ANK2: variants seen among roughly 807,000 people sequenced by gnomAD.
ANK2 encodes the protein ankyrin 2.
A neutral mutation model predicts 360.5 loss-of-function variants in ANK2; 83 were observed. The observed-to-expected ratio is 0.23, with a 90% CI of 0.19 to 0.28. ANK2 has a LOEUF of 0.28. ANK2 is among the 10% of genes least tolerant of loss of function. ANK2 has a pLI of 1.00. For missense variants in ANK2, 4,201 were observed against 4,795.7 expected (o/e 0.88, Z 3.66); for synonymous variants, 1,740 against 1,759.5 (o/e 0.99, Z 0.28).
intron 2 of ANK2, among the ~76,000 whole-genome samples, chr4:112,993,469 A>ATT (rs113947781): frequency 1.3e-5 from 2 of 148,270 alleles, no homozygotes; most frequent in African/African-American, 2.5e-5. Flanking sequence ...TGCCTGGCTA[A>ATT]TTTTTTTTTT....
intron 1 of ANK2, among the ~76,000 whole-genome samples, chr4:113,080,135 G>A (rs1226279008): frequency 6.6e-6 from 1 of 152,154 alleles, no homozygotes; most frequent in Non-Finnish European, 1.5e-5. Context: ...CTGACCTAAT[G>A]TGTTCCGCCT....
chr4:113,339,366 C>G, intron 32 of ANK2, 44 bp downstream of exon 32: 2 of 1,528,286 alleles, frequency 1.3e-6, no homozygotes, highest in Non-Finnish European at 1.8e-6. Context: ...ATATGTTACC[C>G]TCCAAAAAAA....
intron 1 of ANK2, among the ~76,000 whole-genome samples, chr4:113,126,016 A>G (rs891172526): frequency 6.6e-6 from 1 of 152,180 alleles, no homozygotes; most frequent in Non-Finnish European, 1.5e-5. Flanking sequence ...ATACAAAATG[A>G]AGTAATCATA....
Position 113,381,631 on chromosome 4 carries a change from G to A in ANK2, c.*160G>A, listed in dbSNP as rs1407366654. On this transcript the variant is annotated 3_prime_UTR_variant, in exon 46 of 46. Transcript: ENST00000357077. ...TCTGCAAGGAGGACTTGAAGCAAGA[G>A]GCCAAGTGAGGGGCTGCCCAGTTCT... 6.4e-7 allele frequency: 1 copy of A among 1,551,194 alleles called. No individual in the cohort carries two copies. The highest frequency in any genetic ancestry group is 1.4e-5 in the African/African-American group (1 of 73,244).
intron 1 of ANK2, among the ~76,000 whole-genome samples, chr4:113,156,142 A>G (rs79087627): frequency 0.011 from 1,716 of 152,322 alleles, 26 homozygotes; most frequent in African/African-American, 0.037. Context: ...GCTTAAAATA[A>G]TGAATATTAA....
At chr4:112,784,639 G>A in the ANK2 span, among the ~76,000 whole-genome samples, 1 of 151,978 alleles carries the variant, frequency 6.6e-6, no homozygotes. Flanking sequence ...CACCCCGTCC[G>A]GCCCGGGCTG....
chr4:113,301,650 C>T (rs2075081059), intron 22 of ANK2, among the ~76,000 whole-genome samples: 1 of 152,098 alleles, frequency 6.6e-6, no homozygotes, highest in Admixed American at 6.6e-5. Context: ...CCTTCCTTCT[C>T]CAACACCTGG....
At chr4:113,246,020 T>A (rs1369368581) in intron 9 of ANK2, among the ~76,000 whole-genome samples, 1 of 152,184 alleles carries the variant, frequency 6.6e-6, no homozygotes, top group African/African-American at 2.4e-5. Flanking sequence ...GGTCTCAAAC[T>A]CCTGACCTCA....
the ANK2 span, among the ~76,000 whole-genome samples, chr4:112,721,466 C>CAGG: frequency 6.8e-6 from 1 of 147,792 alleles, no homozygotes; most frequent in African/African-American, 2.5e-5. Flanking sequence ...CGTTTGAACC[C>CAGG]AGGAGGTGGA....
At chr4:113,161,224 C>G (rs1165959561) in intron 1 of ANK2, among the ~76,000 whole-genome samples, 1 of 152,334 alleles carries the variant, frequency 6.6e-6, no homozygotes, top group East Asian at 1.9e-4. Flanking sequence ...GTTTTGAAAG[C>G]TGCCTCAGAA....
chr4:112,729,390 G>A, the ANK2 span, among the ~76,000 whole-genome samples: 3 of 152,116 alleles, frequency 2.0e-5, no homozygotes, highest in Non-Finnish European at 2.9e-5. Flanking sequence ...GCATGCCTAT[G>A]TTCATTGCAG....
chr4:112,991,006 C>T (rs755519170), intron 2 of ANK2, among the ~76,000 whole-genome samples: 7 of 152,178 alleles, frequency 4.6e-5, no homozygotes, highest in Admixed American at 3.9e-4. Flanking sequence ...AATCCCAGCA[C>T]TTTGGGAGGC....
intron 1 of ANK2, among the ~76,000 whole-genome samples, chr4:112,866,962 C>T (rs1403158416): frequency 6.6e-6 from 1 of 152,068 alleles, no homozygotes; most frequent in Admixed American, 6.5e-5. Flanking sequence ...ATTTACTTTT[C>T]ATGTAATCAA....
intron 1 of ANK2, among the ~76,000 whole-genome samples, chr4:113,093,102 GT>G (rs1363917190): frequency 6.6e-6 from 1 of 152,024 alleles, no homozygotes; most frequent in Non-Finnish European, 1.5e-5. Context: ...CATGCTTATA[GT>G]GCAGTTATAT....
At chr4:112,826,703 A>T (rs1349640104) in intron 1 of ANK2, 1 of 856,548 alleles carries the variant, frequency 1.2e-6, no homozygotes, top group East Asian at 2.4e-5. Flanking sequence ...GATAGAAGAC[A>T]ATGCCAGTGA....
intron 2 of ANK2, among the ~76,000 whole-genome samples, chr4:112,938,154 A>C (rs1017157059): frequency 2.0e-5 from 3 of 152,212 alleles, no homozygotes; most frequent in Non-Finnish European, 4.4e-5. Flanking sequence ...GCACTTTCAC[A>C]GAGTTTAAAT....
chr4:113,369,831 G>A lies in ANK2; in HGVS notation c.11610+26G>A, dbSNP rs190363572. The stretch of plus-strand genomic sequence containing the variant: ...GTAAGACATTCCTCTCCACTTTCTC[G>A]CCCACCTGTAACAAAGCTACAAATC... On this transcript the variant is annotated intron_variant, in intron 43 of 45. Transcript: ENST00000357077. 104 of 1,613,538 alleles carry A rather than the reference G, an allele frequency of 6.4e-5. No individual in the cohort carries two copies. The East Asian group carries it at 1.1e-3, about 17-fold the overall frequency.
chr4:113,133,093 G>A lies in ANK2; in HGVS notation c.85-41323G>A, dbSNP rs28700932. On this transcript the variant is annotated intron_variant, in intron 1 of 45. Coordinates refer to ENST00000357077, the MANE Select transcript of ANK2 (RefSeq NM_001148.6). ...AATGGAGTTATATTTTGAGGGCAAC[G>A]TAATTATTGGTTGTTTCTAGATATA... Among the ~76,000 whole-genome samples the A allele has an allele frequency of 7.9e-3, 1,199 of 152,240 alleles. 19 individuals are homozygous for A. The highest frequency in any genetic ancestry group is 0.028 in the African/African-American group (1,151 of 41,532).
At chr4:113,311,520 A>G (rs184498279) in intron 24 of ANK2, 121 bp downstream of exon 24, 29 of 1,280,666 alleles carry the variant, frequency 2.3e-5, no homozygotes, top group Non-Finnish European at 3.1e-5. Context: ...TAATCTCAGC[A>G]GTTAGCATGT....
Sources: allele counts gnomAD v4.1 joint callset (sites outside exome capture counted in the v4.1 genomes callset), GRCh38; gene constraint gnomAD v4.1.1; transcripts MANE v1.5; gene names NCBI Gene and HGNC (gene_info 2026-07-23, HGNC 2026-07-21).